Variants in SLC25A10 observed in about 807,000 individuals in gnomAD.
SLC25A10 encodes the protein mitochondrial dicarboxylate carrier.
In SLC25A10, 32 loss-of-function variants were observed where a neutral mutation model predicts 40.4. The ratio of observed to expected loss-of-function variants is 0.79; its 90% confidence interval spans 0.60 to 1.06. The LOEUF (loss-of-function observed/expected upper bound fraction) is 1.06, where lower values mean the gene tolerates loss of function less well. Ranked by LOEUF, SLC25A10 falls within the 50% of genes least tolerant of loss-of-function variation. The pLI is 0.00. For synonymous variants in SLC25A10, 181 were observed against 171.1 expected (o/e 1.06, Z -0.45); for missense variants, 394 against 402.6 (o/e 0.98, Z 0.18).
At chr17:81,716,777 G>A in intron 5 of SLC25A10, 35 bp from the exon 6 acceptor site, 1 of 1,593,008 alleles carries the variant, frequency 6.3e-7, no homozygotes, top group Non-Finnish European at 8.5e-7. Flanking sequence ...GGTGGTCAGG[G>A]GGAGTCTCAT....
At chr17:81,719,586 G>A (rs775276167) in intron 9 of SLC25A10, among the ~76,000 whole-genome samples, 8 of 152,190 alleles carry the variant, frequency 5.3e-5, no homozygotes, top group East Asian at 1.9e-4. Flanking sequence ...ACTGGACCCC[G>A]GGCTGCACCC....
At position 81,712,382 on chromosome 17, in the gene SLC25A10, C is replaced by T; in HGVS notation, c.-45C>T. The stretch of plus-strand genomic sequence containing the variant: ...GCGGCCGGTACACGCCGGGGTAGGG[C>T]CGGGGTCGGGTTGTGGTCGGGCCGG... On this transcript the variant is annotated 5_prime_UTR_variant, in exon 1 of 11. Transcript: ENST00000350690. 10 of 1,189,122 alleles carry T rather than the reference C, an allele frequency of 8.4e-6. No individual in the cohort carries two copies. Among genetic ancestry groups the T allele is most frequent in the Non-Finnish European group, 1.1e-5 (10 of 945,794 alleles). 73.7% of individuals were successfully genotyped at this position (1,189,122 alleles called of 1,614,324 possible).
In SLC25A10 at chr17:81,715,730, G is replaced by A; in HGVS notation, c.366G>A (p.Leu122=). ...GCTTCGTGGGGACGCCCGCAGACTT[G>A]GTCAACGTCAGGTTGGTGTTCCCCC... is the stretch of plus-strand genomic sequence containing the variant. ...AGGFVGTPAD[L]VNVRMQNDVK... is the part of the protein sequence containing the mutation. The change falls in exon 4 of 11, where the codon TTG becomes TTA. Residue 122 remains leucine (L), a synonymous_variant. Transcript: ENST00000350690. 2 of 1,613,330 alleles carry A rather than the reference G, an allele frequency of 1.2e-6. No homozygotes were observed. Among genetic ancestry groups the A allele is most frequent in the Non-Finnish European group, 1.7e-6 (2 of 1,179,944 alleles).
rs2037574954 is a variant in SLC25A10, at chr17:81,720,674, T to C, written c.*597T>C. On this transcript the variant is annotated 3_prime_UTR_variant, in exon 11 of 11. Transcript: ENST00000350690. The stretch of plus-strand genomic sequence containing the variant: ...TGGCCCAGGGTGGTTCTGGAGCCAT[T>C]GTGGGTGAGGGTCGAGGGCCACCGA... The C allele has an allele frequency of 1.9e-6, 1 of 532,864 alleles. No individual in the cohort carries two copies. Among genetic ancestry groups the C allele is most frequent in the East Asian group, 3.5e-5 (1 of 28,694 alleles). 33.0% of individuals were successfully genotyped at this position (532,864 alleles called of 1,614,324 possible).
intron 2 of SLC25A10, 112 bp downstream of exon 2, chr17:81,715,184 G>A (rs12452231): frequency 0.16 from 237,815 of 1,457,004 alleles, 20,920 homozygotes; most frequent in Admixed American, 0.29. Context: ...GACCCACCAG[G>A]CCGAGAGCTG....
chr17:81,713,192 G>T (rs1013941287), intron 1 of SLC25A10: 1 of 150,900 alleles, frequency 6.6e-6, no homozygotes, highest in Non-Finnish European at 1.5e-5. Flanking sequence ...AGCAGCCACC[G>T]TTTTTTTACT....
chr17:81,715,157 G>T, intron 2 of SLC25A10, 85 bp downstream of exon 2: 17 of 1,547,280 alleles, frequency 1.1e-5, no homozygotes, highest in Non-Finnish European at 1.5e-5. Context: ...CCCTTTTCAA[G>T]ACTTTGTGCA....
At position 81,719,856 on chromosome 17, in the gene SLC25A10, C is replaced by T. The variant is rs932250079; in HGVS notation, c.731C>T (p.Thr244Ile). 1.9e-6 allele frequency: 3 copies of T among 1,613,698 alleles called. No individual in the cohort carries two copies. The highest frequency in any genetic ancestry group is 2.5e-6 in the Non-Finnish European group (3 of 1,179,998). The change falls in exon 10 of 11, where the codon ACA becomes ATA. Residue 244 changes from threonine to isoleucine, a missense_variant. Coordinates refer to ENST00000350690, the MANE Select transcript of SLC25A10 (RefSeq NM_012140.5). ...GGCGTTTTCCACTGCGCCGTGGAGA[C>T]AGCGAAGCTCGGGCCTCTGGCCTTT... ...YQGVFHCAVE[T>I]AKLGPLAFYK... is the part of the protein sequence containing the mutation.
chr17:81,716,037 G>C lies in SLC25A10; in HGVS notation c.406G>C (p.Gly136Arg), dbSNP rs1410694268. The change falls in exon 5 of 11, where the codon GGT becomes CGT. Residue 136 changes from glycine (G) to arginine (R), a missense_variant. By Grantham distance (125) the Gly-to-Arg change is moderately radical (BLOSUM62 -2). Coordinates refer to ENST00000350690, the MANE Select transcript of SLC25A10 (RefSeq NM_012140.5). ...RMQNDVKLPQ[G>R]QRRNYAHALD... is the part of the protein sequence containing the mutation. ...GCAGAACGACGTGAAGCTGCCCCAGGGTCAGCGGCGCAAGTGAGTCATGGG... is the reference window on the plus strand; with the variant it reads ...GCAGAACGACGTGAAGCTGCCCCAGCGTCAGCGGCGCAAGTGAGTCATGGG... The C allele has an allele frequency of 6.3e-7, 1 of 1,598,162 alleles. No individual in the cohort carries two copies. Among genetic ancestry groups the C allele is most frequent in the African/African-American group, 1.3e-5 (1 of 74,588 alleles).
chr17:81,713,458 G>T (rs1335849742), intron 1 of SLC25A10: 1 of 985,298 alleles, frequency 1.0e-6, no homozygotes, highest in African/African-American at 1.7e-5. Flanking sequence ...CCTTTGAGGG[G>T]ACTGGCTTTA....
At chr17:81,718,385 T>C (rs1446699401) in intron 9 of SLC25A10, among the ~76,000 whole-genome samples, 1 of 151,928 alleles carries the variant, frequency 6.6e-6, no homozygotes, top group Non-Finnish European at 1.5e-5. Flanking sequence ...CTCGGGAGGC[T>C]GAGGCAGGAG....
chr17:81,713,576 A>C, intron 1 of SLC25A10: 1 of 812,496 alleles, frequency 1.2e-6, no homozygotes, highest in South Asian at 5.6e-5. Context: ...CAGAGCTCCC[A>C]GGCCACAGGC....
intron 4 of SLC25A10, 131 bp from the exon 5 acceptor site, chr17:81,715,878 G>T (rs1453309424): frequency 1.6e-5 from 23 of 1,419,294 alleles, no homozygotes; most frequent in Non-Finnish European, 2.3e-5. Context: ...GGCATAGGAG[G>T]GTGGGTGTCC....
chr17:81,717,288 A>C, intron 7 of SLC25A10, 111 bp from the exon 8 acceptor site: 1 of 1,173,176 alleles, frequency 8.5e-7, no homozygotes, highest in Admixed American at 1.8e-5. Context: ...TCACGGACGG[A>C]CAGACGGAGC....
Position 81,720,285 on chromosome 17 carries a change from C to T in SLC25A10, c.*208C>T, listed in dbSNP as rs1207665943. 4 of 1,436,844 alleles carry T rather than the reference C, an allele frequency of 2.8e-6. No individual in the cohort carries two copies. In the African/African-American group the frequency reaches 5.7e-5, roughly 21 times the overall value. 89.0% of individuals were successfully genotyped at this position (1,436,844 alleles called of 1,614,324 possible). ...TGTAGCTGCACCACCCCCGCTCTGG[C>T]TACCAGGCTCTCCCGGCTGGGCACT... is the stretch of plus-strand genomic sequence containing the variant. On this transcript the variant is annotated 3_prime_UTR_variant, in exon 11 of 11. Transcript: ENST00000350690.
At chr17:81,718,167 G>A (rs1178097841) in intron 9 of SLC25A10, among the ~76,000 whole-genome samples, 1 of 152,024 alleles carries the variant, frequency 6.6e-6, no homozygotes, top group East Asian at 1.9e-4. Context: ...GCAACATACT[G>A]AAACCCTGTC....
chr17:81,717,065 T>A lies in SLC25A10; in HGVS notation c.527T>A (p.Val176Glu). 6.2e-7 allele frequency: 1 copy of A among 1,613,724 alleles called. No individual in the cohort carries two copies. ...TCCAGCCGAGGGGCCTTAGTCACTG[T>A]GGGCCAGGTAGGCCTCCTGCGTGGG... ...MASSRGALVT[V>E]GQLSCYDQAK... Residue 176 changes from valine to glutamate, a missense_variant, in exon 7 of 11, where the codon GTG becomes GAG. Val to Glu is a moderately radical substitution (Grantham distance 121). Transcript: ENST00000350690.
rs2037552788 is a variant in SLC25A10, at chr17:81,719,683, A to G, written c.706-148A>G. 4 of 924,024 alleles carry G rather than the reference A, an allele frequency of 4.3e-6. No individual in the cohort carries two copies. The Admixed American group carries it at 6.0e-5, about 14-fold the overall frequency. The allele number at this position is 924,024 out of a possible 1,614,324, so 57.2% of individuals were successfully genotyped here. On this transcript the variant is annotated intron_variant, in intron 9 of 10. Coordinates refer to ENST00000350690, the MANE Select transcript of SLC25A10 (RefSeq NM_012140.5). ...GACCTGTGGTCACCTGTTACCAGCC[A>G]GCAGCCGCCGCTCACACCCACACCC...
chr17:81,712,610 G>T, intron 1 of SLC25A10, 91 bp downstream of exon 1: 2 of 927,820 alleles, frequency 2.2e-6, no homozygotes, highest in Non-Finnish European at 2.8e-6. Flanking sequence ...CGCACCCGGG[G>T]ATCGCCGCGC....
Sources: allele counts gnomAD v4.1 joint callset (sites outside exome capture counted in the v4.1 genomes callset), GRCh38; gene constraint gnomAD v4.1.1; transcripts MANE v1.5; gene names NCBI Gene and HGNC (gene_info 2026-07-23, HGNC 2026-07-21).